PRR5: variants seen among roughly 807,000 people sequenced by gnomAD.
The protein encoded by PRR5 is proline rich 5.
A neutral mutation model predicts 30.6 loss-of-function variants in PRR5; 25 were observed. That is an observed-to-expected ratio of 0.82 (90% CI 0.60 to 1.14). The LOEUF is 1.14. PRR5 is among the 50% of genes most tolerant of loss of function. The pLI is 0.00. For synonymous variants in PRR5, 286 were observed against 247.1 expected (o/e 1.16, Z -1.48); for missense variants, 600 against 547.1 (o/e 1.10, Z -0.96).
chr22:44,717,837 T>C (rs887273953), intron 2 of PRR5, among the ~76,000 whole-genome samples: 20 of 152,044 alleles, frequency 1.3e-4, no homozygotes, highest in Admixed American at 7.9e-4. Context: ...TGCCTCGGCT[T>C]CCTGAGTAGC....
rs1329694990 is a variant in PRR5, at chr22:44,730,192, A to G, written c.323-1538A>G. The G allele has an allele frequency of 4.1e-6, 4 of 985,254 alleles. No individual in the cohort carries two copies. The African/African-American group carries it at 7.0e-5, about 17-fold the overall frequency. 61.0% of individuals were successfully genotyped at this position (985,254 alleles called of 1,614,324 possible). ...GGGGGCAGGGCCCAGAGAGTGAGAA[A>G]AAGGCAAAGGTCCCTGTTCAGCCTC... On this transcript the variant is annotated intron_variant, in intron 4 of 7. Transcript: ENST00000336985.
chr22:44,686,546 C>G (rs1924770652), intron 1 of PRR5, among the ~76,000 whole-genome samples: 1 of 152,044 alleles, frequency 6.6e-6, no homozygotes, highest in Non-Finnish European at 1.5e-5. Context: ...GAGTCTCGCT[C>G]TGTCGCCCAG....
intron 3 of PRR5, 29 bp downstream of exon 3, chr22:44,725,321 G>A (rs1262355928): frequency 6.2e-7 from 1 of 1,611,424 alleles, no homozygotes; most frequent in African/African-American, 1.3e-5. Context: ...AGCCAGGCTG[G>A]GCCTGCCTCA....
At chr22:44,709,198 C>T (rs536456800) in intron 1 of PRR5, among the ~76,000 whole-genome samples, 1 of 152,196 alleles carries the variant, frequency 6.6e-6, no homozygotes, top group South Asian at 2.1e-4. Context: ...CTCCCCACCA[C>T]CCCTGCCTGC....
At chr22:44,679,061 G>A (rs1046788351) in intron 1 of PRR5, among the ~76,000 whole-genome samples, 3 of 152,136 alleles carry the variant, frequency 2.0e-5, no homozygotes, top group Admixed American at 1.3e-4. Flanking sequence ...CTGGCCTCCA[G>A]GTCTGAGCCT....
chr22:44,683,728 C>T (rs965181038), intron 1 of PRR5, among the ~76,000 whole-genome samples: 3 of 152,216 alleles, frequency 2.0e-5, no homozygotes, highest in Non-Finnish European at 4.4e-5. Flanking sequence ...GGTCCCAAGC[C>T]CTGGCTGCAG....
chr22:44,676,412 A>AAAAAAAG (rs1569060698), upstream of PRR5, among the ~76,000 whole-genome samples: 1 of 148,550 alleles, frequency 6.7e-6, no homozygotes, highest in African/African-American at 2.5e-5. Flanking sequence ...AAAAAAAAAA[A>AAAAAAAG]AAAGAAAGAA....
chr22:44,729,721 C>T (rs1921578731), intron 4 of PRR5: 2 of 985,386 alleles, frequency 2.0e-6, no homozygotes, highest in African/African-American at 3.5e-5. Context: ...GGCTGCCCTT[C>T]CTGGCCTCTC....
chr22:44,680,589 C>G (rs1213896210), intron 1 of PRR5, among the ~76,000 whole-genome samples: 1 of 152,220 alleles, frequency 6.6e-6, no homozygotes, highest in Non-Finnish European at 1.5e-5. Context: ...TTTGTCCTCC[C>G]CACCCTGGGT....
chr22:44,677,008 G>A (rs1174852508), upstream of PRR5: 3 of 152,316 alleles, frequency 2.0e-5, no homozygotes, highest in Non-Finnish European at 4.4e-5. Flanking sequence ...TCAAGCTCCT[G>A]GGCCCCCTCT....
At position 44,696,721 on chromosome 22, in the gene PRR5, G is replaced by GTATTTATTTATTTATTTATTTATT. The variant is rs56370664; in HGVS notation, c.-10-5761_-10-5738dup. ...GGGACCAAGGAAGACATGAACTTAC[G>GTATTTATTTATTTATTTATTTATT]TATTTATTTATTTATTTATTTATTT... On this transcript the variant is annotated intron_variant, in intron 1 of 8. Transcript: ENST00000006251. 7.1e-3 allele frequency among the ~76,000 whole-genome samples: 1,051 copies of GTATTTATTTATTTATTTATTTATT among 148,022 alleles called. 18 individuals carry two copies. Among genetic ancestry groups the GTATTTATTTATTTATTTATTTATT allele is most frequent in the African/African-American group, 0.023 (908 of 39,744 alleles).
At chr22:44,731,952 C>T in intron 5 of PRR5, 131 bp downstream of exon 5, 1 of 1,032,174 alleles carries the variant, frequency 9.7e-7, no homozygotes, top group East Asian at 2.6e-5. Flanking sequence ...TCTCCTTGGG[C>T]TACCTGAGTT....
chr22:44,684,110 G>T (rs1263179495), intron 1 of PRR5, among the ~76,000 whole-genome samples: 1 of 152,198 alleles, frequency 6.6e-6, no homozygotes, highest in Non-Finnish European at 1.5e-5. Flanking sequence ...GGCTGAGGAG[G>T]GGCCTGGGGC....
chr22:44,702,311 G>A lies in PRR5; in HGVS notation c.-164G>A, dbSNP rs1308090252. The A allele has an allele frequency of 1.7e-6, 2 of 1,147,120 alleles. No homozygotes were observed. Among genetic ancestry groups the A allele is most frequent in the Middle Eastern group, 3.5e-4 (1 of 2,852 alleles). 71.1% of individuals were successfully genotyped at this position (1,147,120 alleles called of 1,614,324 possible). A position where few individuals can be genotyped will look rare whatever the true frequency, so the allele number is the denominator to read the frequency against. On this transcript the variant is annotated 5_prime_UTR_variant, in exon 1 of 8. Transcript: ENST00000336985. ...GGGCGGCCGGCGCGGGACCCGAGAC[G>A]GAGGCGCGGGGCCGGGGCGGGACCC...
chr22:44,733,625 C>T (rs73418227), intron 6 of PRR5, among the ~76,000 whole-genome samples: 8,365 of 152,152 alleles, frequency 0.055, 289 homozygotes, highest in East Asian at 0.17. Context: ...TTCAGCTTCC[C>T]GGTCTTTAAC....
At chr22:44,686,756 C>T (rs578255467) in intron 1 of PRR5, among the ~76,000 whole-genome samples, 10 of 152,042 alleles carry the variant, frequency 6.6e-5, no homozygotes, top group Admixed American at 3.9e-4. Flanking sequence ...CTTCATGATC[C>T]GCCTGCCTTG....
At chr22:44,727,503 A>C (rs1921061471) in intron 4 of PRR5, among the ~76,000 whole-genome samples, 1 of 152,114 alleles carries the variant, frequency 6.6e-6, no homozygotes, top group South Asian at 2.1e-4. Context: ...CTACTAACTC[A>C]TTTGATTTCC....
chr22:44,728,802 TGTG>T (rs1285440937), intron 4 of PRR5, among the ~76,000 whole-genome samples: 1 of 152,208 alleles, frequency 6.6e-6, no homozygotes, highest in Non-Finnish European at 1.5e-5. Flanking sequence ...GATGGCCCCC[TGTG>T]GGGAAGCCCC....
At chr22:44,690,097 G>A (rs1296331179) in intron 1 of PRR5, among the ~76,000 whole-genome samples, 1 of 152,064 alleles carries the variant, frequency 6.6e-6, no homozygotes, top group African/African-American at 2.4e-5. Flanking sequence ...CTGAGCACTG[G>A]GGCCCAAGGA....
Sources: gnomAD v4.1 joint callset for allele counts (sites outside exome capture counted in the v4.1 genomes callset) on GRCh38, gnomAD v4.1.1 for gene constraint, MANE v1.5 for transcripts, NCBI Gene and HGNC (gene_info 2026-07-23, HGNC 2026-07-21) for gene names.